Variants in CDC42BPA observed in about 807,000 individuals in gnomAD.
CDC42BPA encodes the protein CDC42 binding protein kinase alpha, also known as serine/threonine-protein kinase MRCK alpha.
A neutral mutation model predicts 223.5 loss-of-function variants in CDC42BPA; 80 were observed. The ratio of observed to expected loss-of-function variants is 0.36; its 90% confidence interval spans 0.30 to 0.43. CDC42BPA has a LOEUF of 0.43. Among genes scored for constraint, CDC42BPA ranks in the 20% least tolerant of loss-of-function variants. The probability of loss-of-function intolerance (pLI) is 1.00; values close to 1 mark genes in which losing one functional copy is unlikely to be tolerated. For synonymous variants in CDC42BPA, 694 were observed against 718.6 expected, an observed-to-expected ratio of 0.97 and a Z score of 0.55; for missense variants, 1,743 against 2,099.9, an observed-to-expected ratio of 0.83 and a Z score of 3.32.
intron 2 of CDC42BPA, chr1:227,235,410 G>A (rs558902837): frequency 2.0e-5 from 3 of 152,294 alleles, no homozygotes; most frequent in South Asian, 2.1e-4. Flanking sequence ...TAAATATGGC[G>A]AGTTGAGTAT....
In CDC42BPA at chr1:227,252,660, C is replaced by T. The variant is rs190824010; in HGVS notation, c.270+1404G>A. Among the ~76,000 whole-genome samples the T allele has an allele frequency of 5.9e-5, 9 of 152,140 alleles. No individual in the cohort carries two copies. In the East Asian group the frequency reaches 1.2e-3, roughly 20 times the overall value. ...CAACACACAAAAAGCACATGAAGTCCGTTGGTACATATAAAGGGGGTAACA... is the reference window on the plus strand; with the variant it reads ...CAACACACAAAAAGCACATGAAGTCTGTTGGTACATATAAAGGGGGTAACA... On this transcript the variant is annotated intron_variant, in intron 2 of 36. Coordinates refer to ENST00000366766, the MANE Select transcript of CDC42BPA (RefSeq NM_001394014.1).
intron 5 of CDC42BPA, among the ~76,000 whole-genome samples, chr1:227,176,480 GA>G (rs1666982318): frequency 6.6e-6 from 1 of 152,074 alleles, no homozygotes. Context: ...CAAACAGTTT[GA>G]AAAAAATTTT....
chr1:227,264,692 G>A, intron 1 of CDC42BPA: 1 of 648,306 alleles, frequency 1.5e-6, no homozygotes, highest in Non-Finnish European at 2.8e-6. Flanking sequence ...CAAGGTAAGA[G>A]GCTTTAACAT....
At chr1:227,117,919 T>C (rs893432536) in intron 12 of CDC42BPA, among the ~76,000 whole-genome samples, 5 of 151,596 alleles carry the variant, frequency 3.3e-5, no homozygotes, top group African/African-American at 1.2e-4. Flanking sequence ...AGAATTCTTA[T>C]AACCAGTAAG....
chr1:227,057,362 A>ACAGT (rs567442549), intron 21 of CDC42BPA, among the ~76,000 whole-genome samples: 3 of 86,226 alleles, frequency 3.5e-5, no homozygotes, highest in African/African-American at 1.2e-4. Context: ...ATGACATTTC[A>ACAGT]TAGTTAATTT....
intron 10 of CDC42BPA, among the ~76,000 whole-genome samples, chr1:227,139,086 C>T (rs1257900660): frequency 6.6e-6 from 1 of 152,072 alleles, no homozygotes; most frequent in Non-Finnish European, 1.5e-5. Context: ...ATAGGATGGA[C>T]TGGATGAAAC....
chr1:227,197,895 A>T (rs1316261787), intron 4 of CDC42BPA, among the ~76,000 whole-genome samples: 1 of 152,172 alleles, frequency 6.6e-6, no homozygotes, highest in Non-Finnish European at 1.5e-5. Flanking sequence ...TGCATGATAC[A>T]TTCATCCCTA....
At chr1:227,063,152 T>C (rs1327852714) in intron 21 of CDC42BPA, among the ~76,000 whole-genome samples, 1 of 152,162 alleles carries the variant, frequency 6.6e-6, no homozygotes, top group Non-Finnish European at 1.5e-5. Context: ...AAAGGTGAGT[T>C]AGAGGAAAAC....
At chr1:227,147,705 T>TA (rs1343440207) in intron 6 of CDC42BPA, 146 bp from the exon 7 acceptor site, 3 of 506,682 alleles carry the variant, frequency 5.9e-6, no homozygotes, top group Non-Finnish European at 1.0e-5. Context: ...GTATATATGT[T>TA]AAATTGTATA....
At chr1:227,304,405 C>CA (rs35882896) in intron 1 of CDC42BPA, among the ~76,000 whole-genome samples, 46,498 of 141,572 alleles carry the variant, frequency 0.33, 7,467 homozygotes, top group East Asian at 0.45. Context: ...GATTCTATCT[C>CA]AAAAAAAAAA....
At chr1:227,131,443 T>A (rs1657088160) in intron 10 of CDC42BPA, among the ~76,000 whole-genome samples, 1 of 152,188 alleles carries the variant, frequency 6.6e-6, no homozygotes, top group South Asian at 2.1e-4. Flanking sequence ...GAGGTTTTAA[T>A]CTCCCATTAA....
intron 9 of CDC42BPA, 105 bp downstream of exon 9, chr1:227,142,840 G>A (rs1300408348): frequency 1.8e-5 from 11 of 608,910 alleles, no homozygotes; most frequent in Non-Finnish European, 2.7e-5. Flanking sequence ...GGCTGGTCTC[G>A]ATCTCCTGAC....
intron 11 of CDC42BPA, among the ~76,000 whole-genome samples, chr1:227,126,654 T>C (rs1352332993): frequency 6.6e-6 from 1 of 152,224 alleles, no homozygotes; most frequent in Non-Finnish European, 1.5e-5. Flanking sequence ...ACCATGACCA[T>C]GGTTTACAAC....
intron 5 of CDC42BPA, among the ~76,000 whole-genome samples, chr1:227,173,082 T>C (rs1000064025): frequency 6.6e-6 from 1 of 152,132 alleles, no homozygotes; most frequent in South Asian, 2.1e-4. Context: ...TAGTGACAGA[T>C]AAAAGGAGGA....
intron 16 of CDC42BPA, among the ~76,000 whole-genome samples, chr1:227,089,872 A>G (rs968901677): frequency 1.3e-5 from 2 of 152,182 alleles, no homozygotes; most frequent in African/African-American, 4.8e-5. Flanking sequence ...TTTGATCTAC[A>G]TTCAAGTTAT....
At chr1:227,212,814 G>A (rs1419205425) in intron 3 of CDC42BPA, among the ~76,000 whole-genome samples, 1 of 152,234 alleles carries the variant, frequency 6.6e-6, no homozygotes, top group South Asian at 2.1e-4. Flanking sequence ...ATATAAACAA[G>A]TTACGTCACG....
Position 227,181,265 on chromosome 1 carries a change from G to GA in CDC42BPA, c.599+12520dup, listed in dbSNP as rs560386304. ...AAAATAGTATTTCAATTAACACAGG[G>GA]AAAAAAACCCACCATTTTGTTAAAA... is the stretch of plus-strand genomic sequence containing the variant. On this transcript the variant is annotated intron_variant, in intron 5 of 36. Coordinates refer to ENST00000366766, the MANE Select transcript of CDC42BPA (RefSeq NM_001394014.1). Among the ~76,000 whole-genome samples the GA allele has an allele frequency of 5.3e-4, 81 of 151,942 alleles. No individual in the cohort carries two copies. The East Asian group carries it at 6.2e-3, about 12-fold the overall frequency.
chr1:226,994,527 T>G lies in CDC42BPA; in HGVS notation c.5134-128A>C, dbSNP rs1661197620. 8.1e-6 allele frequency: 9 copies of G among 1,108,356 alleles called. No individual in the cohort carries two copies. The highest frequency in any genetic ancestry group is 1.1e-5 in the Non-Finnish European group (9 of 802,408). 68.7% of individuals were successfully genotyped at this position (1,108,356 alleles called of 1,614,324 possible). On this transcript the variant is annotated intron_variant, in intron 36 of 36. Transcript: ENST00000366766. This position sits in a 1 kb window ranked among gnomAD's most constrained non-coding sequence, Gnocchi z 4.0. ...CCCCATGGGGCGGCCTCACTGTCGG[T>G]ATAAAGCCCCTTCTATGAGCTGAGG...
At chr1:227,242,793 A>T (rs1680241371) in intron 2 of CDC42BPA, among the ~76,000 whole-genome samples, 2 of 152,244 alleles carry the variant, frequency 1.3e-5, no homozygotes, top group South Asian at 4.1e-4. Flanking sequence ...AAACAGAAAC[A>T]CCATTTGACC....
Sources: allele counts gnomAD v4.1 joint callset (sites outside exome capture counted in the v4.1 genomes callset), GRCh38; gene constraint gnomAD v4.1.1; non-coding constraint Gnocchi (gnomAD v3.1); transcripts MANE v1.5; gene names NCBI Gene and HGNC (gene_info 2026-07-23, HGNC 2026-07-21).